VPS13C: variants seen among roughly 807,000 people sequenced by gnomAD.
VPS13C encodes vacuolar protein sorting 13 homolog C, also known as intermembrane lipid transfer protein VPS13C.
In VPS13C, 358 loss-of-function variants were observed where a neutral mutation model predicts 456.8. The ratio of observed to expected loss-of-function variants is 0.78; its 90% CI spans 0.72 to 0.86. The LOEUF is 0.86. VPS13C is among the 40% of genes least tolerant of loss of function. VPS13C has a pLI of 0.00. For synonymous variants in VPS13C, 1,578 were observed against 1,486.7 expected (o/e 1.06, Z -1.41); for missense variants, 4,818 against 4,385.4 (o/e 1.10, Z -2.79).
At chr15:62,053,545 C>T (rs1361824408) in intron 1 of VPS13C, among the ~76,000 whole-genome samples, 1 of 152,202 alleles carries the variant, frequency 6.6e-6, no homozygotes, top group Admixed American at 6.5e-5. Context: ...GAGGAAGTGG[C>T]AGTACCACTC....
rs1208145664 is a variant in VPS13C, at chr15:61,854,521, C to T, written c.11198G>A (p.Arg3733Lys). 1 of 1,613,918 alleles carries T rather than the reference C, an allele frequency of 6.2e-7. No homozygotes were observed. The highest frequency in any genetic ancestry group is 8.5e-7 in the Non-Finnish European group (1 of 1,179,992). Residue 3733 changes from arginine (R) to lysine (K), a missense_variant, in exon 85 of 85, where the codon AGA becomes AAA. Around this residue, in one of 3 missense-constraint regions of VPS13C, gnomAD observed 261 missense variants for 234.1 expected, o/e 1.11. Coordinates refer to ENST00000644861, the MANE Select transcript of VPS13C (RefSeq NM_020821.3). The stretch of plus-strand genomic sequence containing the variant: ...CTGCTTCATCAATTTTTGCTGCTGT[C>T]TCGTTGACTGTGCATCCTCAATGGC... ...CNAIEDAQST[R>K]QQQKLMKQSS...
intron 9 of VPS13C, among the ~76,000 whole-genome samples, chr15:62,019,316 C>A (rs534204373): frequency 2.0e-3 from 305 of 152,110 alleles, no homozygotes; most frequent in African/African-American, 6.8e-3. Context: ...TTAGTTATTT[C>A]TTGCCTTCTG....
chr15:62,024,915 T>C (rs569709251), intron 6 of VPS13C, among the ~76,000 whole-genome samples: 1 of 152,086 alleles, frequency 6.6e-6, no homozygotes, highest in Non-Finnish European at 1.5e-5. Context: ...GGCGAACTCC[T>C]AGGCAGCTTT....
At chr15:62,033,634 T>C in intron 4 of VPS13C, 92 bp from the exon 5 acceptor site, 3 of 714,190 alleles carry the variant, frequency 4.2e-6, no homozygotes, top group Non-Finnish European at 6.3e-6. Context: ...TGTGTAAGTG[T>C]ATAATCCTTC....
At chr15:61,945,904 G>T (rs778564780) in intron 44 of VPS13C, 22 bp from the exon 45 acceptor site, 2 of 1,578,276 alleles carry the variant, frequency 1.3e-6, no homozygotes, top group Admixed American at 1.9e-5. Context: ...AGATTAACTG[G>T]TTATTATATC....
intron 12 of VPS13C, among the ~76,000 whole-genome samples, chr15:62,011,247 C>G (rs538418491): frequency 2.6e-4 from 40 of 152,122 alleles, no homozygotes; most frequent in African/African-American, 9.4e-4. Flanking sequence ...ATGGTAATTA[C>G]AATTTGCATA....
At chr15:61,955,839 T>C (rs1390763983) in intron 37 of VPS13C, among the ~76,000 whole-genome samples, 1 of 152,096 alleles carries the variant, frequency 6.6e-6, no homozygotes, top group African/African-American at 2.4e-5. Context: ...TTGGCCAGGT[T>C]GTAGAAAAAA....
chr15:61,972,477 TGA>T (rs2045584041), intron 27 of VPS13C, 146 bp downstream of exon 27: 1 of 646,596 alleles, frequency 1.5e-6, no homozygotes, highest in Non-Finnish European at 2.5e-6. Context: ...AGAGTGTGTG[TGA>T]GAGTGTGTAT....
Position 61,889,471 on chromosome 15 carries a change from T to A in VPS13C, c.9341+694A>T, listed in dbSNP as rs149859434. 6.9e-3 allele frequency among the ~76,000 whole-genome samples: 1,049 copies of A among 152,268 alleles called. 8 individuals are homozygous for A. Among genetic ancestry groups the A allele is most frequent in the African/African-American group, 0.024 (1,013 of 41,544 alleles). ...CCCCAAACGTGTGCTTCTTGATAGA[T>A]CCTATCCTGGTTATATTTTGTATCA... On this transcript the variant is annotated intron_variant, in intron 67 of 84. Coordinates refer to ENST00000644861, the MANE Select transcript of VPS13C (RefSeq NM_020821.3).
intron 28 of VPS13C, 29 bp from the exon 29 acceptor site, chr15:61,967,476 G>T (rs756259271): frequency 6.6e-7 from 1 of 1,521,056 alleles, no homozygotes; most frequent in South Asian, 1.2e-5. Context: ...AAAAAAAAGT[G>T]TTTCAAATAA....
chr15:61,970,611 C>T (rs867815757), intron 27 of VPS13C, among the ~76,000 whole-genome samples: 1 of 152,188 alleles, frequency 6.6e-6, no homozygotes, highest in African/African-American at 2.4e-5. Context: ...GCCTGGGCAA[C>T]ATAGTAAAAC....
chr15:61,906,590 C>T (rs2043158787), intron 66 of VPS13C: 1 of 152,332 alleles, frequency 6.6e-6, no homozygotes, highest in South Asian at 2.1e-4. Context: ...TCAAGAAAGC[C>T]TTTTAACAGC....
At position 61,973,527 on chromosome 15, in the gene VPS13C, G is replaced by C. The variant is rs1386703579; in HGVS notation, c.2544C>G (p.Ser848=). The C allele has an allele frequency of 6.2e-7, 1 of 1,611,260 alleles. No homozygotes were observed. The highest frequency in any genetic ancestry group is 1.3e-5 in the African/African-American group (1 of 74,924). ...TACCACCTGAAATAATAGGAATTGA[G>C]GATACCTAGCAAAGAATACAAAAAG... ...SSAQSPERQV[S]SIPIISGGTK... Residue 848 remains serine (S), a synonymous_variant, in exon 26 of 85, where the codon TCC becomes TCG. Transcript: ENST00000644861.
chr15:61,898,122 G>C (rs868637759), intron 66 of VPS13C, among the ~76,000 whole-genome samples: 27 of 151,868 alleles, frequency 1.8e-4, no homozygotes, highest in African/African-American at 5.1e-4. Context: ...TGGAAAGGAA[G>C]AACCGGTACC....
intron 15 of VPS13C, among the ~76,000 whole-genome samples, chr15:62,002,647 T>G (rs959131805): frequency 2.0e-4 from 31 of 152,114 alleles, no homozygotes; most frequent in Non-Finnish European, 4.1e-4. Context: ...GTTTTTATGG[T>G]TTTAGGTCTA....
At chr15:61,988,142 C>G (rs896682527) in intron 18 of VPS13C, among the ~76,000 whole-genome samples, 1 of 152,008 alleles carries the variant, frequency 6.6e-6, no homozygotes, top group Non-Finnish European at 1.5e-5. Flanking sequence ...AACGCATGAA[C>G]TGGAAAAAGT....
intron 16 of VPS13C, among the ~76,000 whole-genome samples, chr15:61,992,874 A>ATT (rs570628051): frequency 5.3e-5 from 8 of 149,774 alleles, no homozygotes; most frequent in African/African-American, 2.0e-4. Context: ...AGAAAGAGGT[A>ATT]TTTTTTTTTT....
intron 74 of VPS13C, 73 bp downstream of exon 74, chr15:61,878,534 G>A: frequency 1.9e-6 from 3 of 1,547,574 alleles, no homozygotes; most frequent in African/African-American, 1.4e-5. Flanking sequence ...CATTGCACAA[G>A]TGGAGAGAAT....
At chr15:61,982,733 T>G (rs2045925007) in intron 20 of VPS13C, among the ~76,000 whole-genome samples, 160 bp from the exon 21 acceptor site, 1 of 152,174 alleles carries the variant, frequency 6.6e-6, no homozygotes, top group South Asian at 2.1e-4. Context: ...AAAGAGAACC[T>G]GGAGAAAGGA....
Sources: allele counts gnomAD v4.1 joint callset (sites outside exome capture counted in the v4.1 genomes callset), GRCh38; gene constraint gnomAD v4.1.1; regional missense constraint gnomAD v4.1.1; transcripts MANE v1.5; gene names NCBI Gene and HGNC (gene_info 2026-07-23, HGNC 2026-07-21).